JAZF1: variants seen among roughly 807,000 people sequenced by gnomAD.
The protein encoded by JAZF1 is juxtaposed with another zinc finger protein 1.
JAZF1 carries 8 observed loss-of-function variants against 26.4 expected under a neutral mutation model. The ratio of observed to expected loss-of-function variants is 0.30; its 90% CI spans 0.18 to 0.55. The LOEUF (loss-of-function observed/expected upper bound fraction) is 0.55, where lower values mean the gene tolerates loss of function less well. Ranked by LOEUF, JAZF1 falls within the 20% of genes least tolerant of loss-of-function variation. JAZF1 has a pLI of 0.94. For synonymous variants in JAZF1, 126 were observed against 122.3 expected, an observed-to-expected ratio of 1.03 and a Z score of -0.20; for missense variants, 199 against 322.0, an observed-to-expected ratio of 0.62 and a Z score of 2.92.
chr7:27,955,608 TCA>T (rs1314918581), intron 2 of JAZF1, among the ~76,000 whole-genome samples: 1 of 152,190 alleles, frequency 6.6e-6, no homozygotes, highest in Non-Finnish European at 1.5e-5. Context: ...TTACTGGGAA[TCA>T]CGGAGAGGCT....
intron 1 of JAZF1, among the ~76,000 whole-genome samples, chr7:28,096,441 A>C (rs1784385983): frequency 6.6e-6 from 1 of 152,254 alleles, no homozygotes; most frequent in Non-Finnish European, 1.5e-5. Flanking sequence ...TACAGACATA[A>C]TGAAAATCTT....
chr7:27,936,236 G>A (rs1161817363), intron 2 of JAZF1, among the ~76,000 whole-genome samples: 3 of 152,202 alleles, frequency 2.0e-5, no homozygotes, highest in African/African-American at 7.2e-5. Flanking sequence ...GGCTGAGCCT[G>A]GAAGAAAAAC....
At chr7:28,074,516 C>CACAT (rs1562578349) in intron 1 of JAZF1, among the ~76,000 whole-genome samples, 1 of 152,138 alleles carries the variant, frequency 6.6e-6, no homozygotes, top group Non-Finnish European at 1.5e-5. Flanking sequence ...TGTACATACA[C>CACAT]ACATACATAC....
chr7:28,126,915 G>A (rs1985152), intron 1 of JAZF1, among the ~76,000 whole-genome samples: 80,633 of 152,006 alleles, frequency 0.53, 22,755 homozygotes, highest in Middle Eastern at 0.63. Context: ...CCCACCCCCA[G>A]AAAAGCTTCC....
chr7:28,119,693 A>G (rs1263006242), intron 1 of JAZF1, among the ~76,000 whole-genome samples: 1 of 152,020 alleles, frequency 6.6e-6, no homozygotes, highest in East Asian at 1.9e-4. Context: ...TCCCCCTACT[A>G]CTTACATGAC....
At chr7:28,096,001 T>G (rs1007262096) in intron 1 of JAZF1, among the ~76,000 whole-genome samples, 1 of 152,184 alleles carries the variant, frequency 6.6e-6, no homozygotes, top group East Asian at 1.9e-4. Flanking sequence ...TCATTTAACC[T>G]TCATCATCCC....
intron 3 of JAZF1, among the ~76,000 whole-genome samples, chr7:27,856,155 C>T (rs1048060145): frequency 6.6e-6 from 1 of 152,116 alleles, no homozygotes; most frequent in Non-Finnish European, 1.5e-5. Flanking sequence ...GGAGTTTGTT[C>T]CTTCTGATGT....
rs188098110 is a variant in JAZF1, at chr7:27,859,520, C to T, written c.386-18653G>A. Among the ~76,000 whole-genome samples, 406 of 152,314 alleles carry T rather than the reference C, an allele frequency of 2.7e-3. 4 individuals are homozygous for T. The highest frequency in any genetic ancestry group is 8.9e-3 in the African/African-American group (370 of 41,556). On this transcript the variant is annotated intron_variant, in intron 3 of 4. Coordinates refer to ENST00000283928, the MANE Select transcript of JAZF1 (RefSeq NM_175061.4). ...TAAAGAAAATGTGGCACATATACAC[C>T]ATGGAATACTATGCAGCCATAAAAT...
At chr7:27,901,291 T>C (rs1410712147) in intron 2 of JAZF1, among the ~76,000 whole-genome samples, 1 of 152,192 alleles carries the variant, frequency 6.6e-6, no homozygotes, top group African/African-American at 2.4e-5. Context: ...GAAGTACATA[T>C]TCCTTAAGTA....
chr7:28,110,142 T>C (rs11771411), intron 1 of JAZF1, among the ~76,000 whole-genome samples: 75,110 of 152,024 alleles, frequency 0.49, 21,182 homozygotes, highest in Non-Finnish European at 0.64. Flanking sequence ...TTAGAAAGTT[T>C]AGGCCGGGCA....
At chr7:27,979,921 T>G (rs944619593) in intron 2 of JAZF1, among the ~76,000 whole-genome samples, 9 of 152,226 alleles carry the variant, frequency 5.9e-5, no homozygotes, top group African/African-American at 1.9e-4. Flanking sequence ...TAGGAATTAC[T>G]GGTTACCTCT....
chr7:27,920,148 T>C (rs1450356668), intron 2 of JAZF1, among the ~76,000 whole-genome samples: 1 of 152,224 alleles, frequency 6.6e-6, no homozygotes, highest in Non-Finnish European at 1.5e-5. Flanking sequence ...CAGTGAGTCC[T>C]TAGCGTTCCT....
Position 28,158,186 on chromosome 7 carries a change from C to CACACACACAG in JAZF1, c.115+22276_115+22277insCTGTGTGTGT, listed in dbSNP as rs149643430. ...ACACACAAACACACACACACACACA[C>CACACACACAG]AGAGAGAGAGAGAGAGAGGGAGAGA... On this transcript the variant is annotated intron_variant, in intron 1 of 4. Transcript: ENST00000283928. Among the ~76,000 whole-genome samples the CACACACACAG allele has an allele frequency of 1.9e-3, 279 of 143,420 alleles. 2 individuals carry two copies. The highest frequency in any genetic ancestry group is 7.2e-3 in the East Asian group (34 of 4,718). The allele number at this position is 143,420 out of a possible 152,430, so 94.1% of individuals were successfully genotyped here.
At chr7:28,051,368 C>T (rs542575437) in intron 1 of JAZF1, among the ~76,000 whole-genome samples, 7 of 151,832 alleles carry the variant, frequency 4.6e-5, no homozygotes, top group Admixed American at 2.0e-4. Context: ...TACAGGTGCA[C>T]ACCACCACGC....
At chr7:27,845,626 G>A (rs1732385666) in intron 3 of JAZF1, among the ~76,000 whole-genome samples, 1 of 150,144 alleles carries the variant, frequency 6.7e-6, no homozygotes, top group Non-Finnish European at 1.5e-5. Context: ...GAACCCGGGA[G>A]GCAGAGGTTG....
chr7:28,151,350 C>T (rs1255476001), intron 1 of JAZF1, among the ~76,000 whole-genome samples: 1 of 151,942 alleles, frequency 6.6e-6, no homozygotes, highest in Non-Finnish European at 1.5e-5. Flanking sequence ...AGTGATCTGC[C>T]CGCCTTGGCC....
intron 3 of JAZF1, among the ~76,000 whole-genome samples, chr7:27,885,223 T>C (rs1783837508): frequency 6.6e-6 from 1 of 152,176 alleles, no homozygotes; most frequent in South Asian, 2.1e-4. Flanking sequence ...TTCCCAACTG[T>C]GATGATGGCT....
At chr7:27,851,096 C>T (rs970184319) in intron 3 of JAZF1, among the ~76,000 whole-genome samples, 12 of 152,138 alleles carry the variant, frequency 7.9e-5, no homozygotes, top group African/African-American at 2.9e-4. Context: ...GCACCGGCCA[C>T]CACGCCTGGC....
intron 1 of JAZF1, among the ~76,000 whole-genome samples, chr7:28,083,038 G>C (rs147861878): frequency 6.6e-6 from 1 of 152,226 alleles, no homozygotes; most frequent in East Asian, 1.9e-4. Flanking sequence ...CACCTCCTTT[G>C]CTTCTGCTGT....
Sources: allele counts gnomAD v4.1 joint callset (sites outside exome capture counted in the v4.1 genomes callset), GRCh38; gene constraint gnomAD v4.1.1; transcripts MANE v1.5; gene names NCBI Gene and HGNC (gene_info 2026-07-23, HGNC 2026-07-21).